Variants in PLCL2 observed in about 807,000 individuals in gnomAD.
PLCL2 encodes phospholipase C like 2.
In PLCL2, 4 loss-of-function variants were observed where a neutral mutation model predicts 79.6. The observed-to-expected ratio is 0.05, with a 90% CI of 0.02 to 0.11. The LOEUF is 0.11. Among genes scored for constraint, PLCL2 ranks in the 10% least tolerant of loss-of-function variants. The pLI is 1.00. For missense variants in PLCL2, 895 were observed against 1,291.0 expected, an observed-to-expected ratio of 0.69 and a Z score of 4.70; for synonymous variants, 484 against 457.7, an observed-to-expected ratio of 1.06 and a Z score of -0.73.
intron 1 of PLCL2, among the ~76,000 whole-genome samples, chr3:16,898,193 A>G (rs1279885052): frequency 6.6e-6 from 1 of 152,176 alleles, no homozygotes; most frequent in African/African-American, 2.4e-5. Context: ...CTTGATTGTG[A>G]CACAATTGTT....
At chr3:16,888,022 G>C (rs1045547954) in intron 1 of PLCL2, among the ~76,000 whole-genome samples, 2 of 152,130 alleles carry the variant, frequency 1.3e-5, no homozygotes, top group African/African-American at 2.4e-5. Context: ...TTATGGGGTT[G>C]TATTAGTTGA....
At chr3:16,943,468 A>C (rs921825383) in intron 1 of PLCL2, among the ~76,000 whole-genome samples, 1 of 152,226 alleles carries the variant, frequency 6.6e-6, no homozygotes, top group Non-Finnish European at 1.5e-5. Flanking sequence ...GTTTTCAAAG[A>C]ACTTTCTCTA....
chr3:16,952,360 C>CAAAAAAAAAAAAAAAAAA lies in PLCL2; in HGVS notation c.328-57300_328-57283dup. Among the ~76,000 whole-genome samples, 35 of 22,624 alleles carry CAAAAAAAAAAAAAAAAAA rather than the reference C, an allele frequency of 1.5e-3. 12 individuals carry two copies. Among genetic ancestry groups the CAAAAAAAAAAAAAAAAAA allele is most frequent in the East Asian group, 3.1e-3 (2 of 640 alleles). 14.8% of individuals were successfully genotyped at this position (22,624 alleles called of 152,430 possible). A position where few individuals can be genotyped will look rare whatever the true frequency, so the allele number is the denominator to read the frequency against. On this transcript the variant is annotated intron_variant, in intron 1 of 5. Transcript: ENST00000615277. Reference sequence around the variant, plus strand: ...TGCACATGTATCCCAGAACTTAAAGCAAAAAAAAAAAAAAAAAAAAAAAAA... The same window carrying CAAAAAAAAAAAAAAAAAA: ...TGCACATGTATCCCAGAACTTAAAGCAAAAAAAAAAAAAAAAAAAAAAAAAAAAAAAAAAAAAAAAAAA...
At chr3:16,990,463 C>A (rs138864022) in intron 1 of PLCL2, among the ~76,000 whole-genome samples, 178 of 152,270 alleles carry the variant, frequency 1.2e-3, no homozygotes, top group African/African-American at 4.0e-3. Context: ...TTATGAGAGA[C>A]CAAAGTGTTT....
intron 3 of PLCL2, among the ~76,000 whole-genome samples, chr3:17,015,775 T>C (rs1471942579): frequency 6.6e-6 from 1 of 152,238 alleles, no homozygotes; most frequent in Non-Finnish European, 1.5e-5. Flanking sequence ...TGTAGCTTGC[T>C]GTGCTCAAGG....
intron 1 of PLCL2, among the ~76,000 whole-genome samples, chr3:17,000,582 C>G (rs1004009801): frequency 2.0e-5 from 3 of 151,852 alleles, no homozygotes; most frequent in African/African-American, 7.2e-5. Context: ...TCTTTATTCC[C>G]CCTCCTTCCT....
chr3:17,000,301 T>C (rs192409102), intron 1 of PLCL2, among the ~76,000 whole-genome samples: 14 of 152,288 alleles, frequency 9.2e-5, no homozygotes, highest in Non-Finnish European at 7.4e-5. Context: ...ACTAGAATTA[T>C]CTTGTATTTT....
intron 3 of PLCL2, among the ~76,000 whole-genome samples, chr3:17,034,751 T>TA (rs1166244139): frequency 1.3e-5 from 2 of 152,214 alleles, no homozygotes; most frequent in Non-Finnish European, 2.9e-5. Context: ...TTATATCAGT[T>TA]AGCCTAGGGT....
At chr3:16,907,841 C>T (rs771031477) in intron 1 of PLCL2, among the ~76,000 whole-genome samples, 1 of 152,048 alleles carries the variant, frequency 6.6e-6, no homozygotes, top group Non-Finnish European at 1.5e-5. Context: ...GTTTGCTTTA[C>T]CTGCCTTCAT....
chr3:16,986,542 C>G (rs2064052420), intron 1 of PLCL2, among the ~76,000 whole-genome samples: 1 of 152,090 alleles, frequency 6.6e-6, no homozygotes, highest in South Asian at 2.1e-4. Flanking sequence ...GCTGGGATTA[C>G]AGATGCACAC....
At chr3:16,940,773 T>C (rs1189416516) in intron 1 of PLCL2, among the ~76,000 whole-genome samples, 2 of 152,252 alleles carry the variant, frequency 1.3e-5, no homozygotes. Flanking sequence ...TATTATAAGA[T>C]ATGATAATAG....
At chr3:17,062,091 G>T (rs780816779) in intron 4 of PLCL2, among the ~76,000 whole-genome samples, 215 of 152,272 alleles carry the variant, frequency 1.4e-3, no homozygotes, top group Non-Finnish European at 2.6e-3. Context: ...CTAATGGTTG[G>T]TTCTTTGGAA....
chr3:16,991,032 C>T (rs1047757966), intron 1 of PLCL2, among the ~76,000 whole-genome samples: 5 of 152,158 alleles, frequency 3.3e-5, no homozygotes, highest in Admixed American at 2.0e-4. Flanking sequence ...CTCACCTTGC[C>T]CTGCAGAGAG....
intron 1 of PLCL2, among the ~76,000 whole-genome samples, chr3:16,889,711 G>A (rs991401372): frequency 6.6e-6 from 1 of 152,164 alleles, no homozygotes; most frequent in African/African-American, 2.4e-5. Flanking sequence ...ACATTTAAAT[G>A]AAATAAAACT....
At chr3:17,015,624 G>C (rs1302507678) in intron 3 of PLCL2, among the ~76,000 whole-genome samples, 2 of 152,202 alleles carry the variant, frequency 1.3e-5, no homozygotes, top group East Asian at 3.9e-4. Flanking sequence ...AGGGTTAAGG[G>C]TTGGTGTTGG....
intron 4 of PLCL2, among the ~76,000 whole-genome samples, chr3:17,063,900 G>A: frequency 6.6e-6 from 1 of 152,168 alleles, no homozygotes; most frequent in East Asian, 1.9e-4. Flanking sequence ...ACTTCTTGAG[G>A]GAGTGGAGAG....
chr3:16,957,697 A>G (rs1393544601), intron 1 of PLCL2, among the ~76,000 whole-genome samples: 1 of 152,250 alleles, frequency 6.6e-6, no homozygotes, highest in East Asian at 1.9e-4. Context: ...GACTTGCTTT[A>G]TGAATCTGGG....
chr3:17,058,692 G>C (rs2064915614), intron 4 of PLCL2, among the ~76,000 whole-genome samples: 1 of 152,128 alleles, frequency 6.6e-6, no homozygotes, highest in African/African-American at 2.4e-5. Flanking sequence ...GCTCATATAA[G>C]AGATGACCAT....
At chr3:16,961,057 A>T (rs115085066) in intron 1 of PLCL2, among the ~76,000 whole-genome samples, 4,012 of 152,306 alleles carry the variant, frequency 0.026, 97 homozygotes, top group Non-Finnish European at 0.04. Flanking sequence ...AATTAAAGCA[A>T]TGTTTTCTAA....
Sources: gnomAD v4.1 joint callset for allele counts (sites outside exome capture counted in the v4.1 genomes callset) on GRCh38, gnomAD v4.1.1 for gene constraint, MANE v1.5 for transcripts, NCBI Gene and HGNC (gene_info 2026-07-23, HGNC 2026-07-21) for gene names.